Variants in TBCK observed in about 807,000 individuals in gnomAD.
The protein encoded by TBCK is TBC1 domain containing kinase.
In TBCK, 99 loss-of-function variants were observed where a neutral mutation model predicts 113.4. That is an observed-to-expected ratio of 0.87 (90% CI 0.74 to 1.03). The LOEUF (loss-of-function observed/expected upper bound fraction) is 1.03. Ranked by LOEUF, TBCK falls within the 50% of genes least tolerant of loss-of-function variation. The pLI, the probability that TBCK is intolerant of heterozygous loss-of-function variation, is 0.00. For missense variants in TBCK, 1,045 were observed against 1,061.3 expected, an observed-to-expected ratio of 0.98 and a Z score of 0.21; for synonymous variants, 369 against 370.8, an observed-to-expected ratio of 1.00 and a Z score of 0.05.
chr4:106,198,880 TATAA>T (rs1754560060), intron 20 of TBCK, among the ~76,000 whole-genome samples: 1 of 152,096 alleles, frequency 6.6e-6, no homozygotes, highest in Non-Finnish European at 1.5e-5. Flanking sequence ...CAAGTTCTGG[TATAA>T]GGTAATGGCA....
At chr4:106,279,298 T>A (rs551047895) in intron 3 of TBCK, among the ~76,000 whole-genome samples, 12 of 152,326 alleles carry the variant, frequency 7.9e-5, no homozygotes, top group Admixed American at 4.6e-4. Flanking sequence ...GATGATTTTT[T>A]AAAATTTTTT....
At chr4:106,067,874 G>A (rs924606924) in intron 25 of TBCK, among the ~76,000 whole-genome samples, 11 of 151,954 alleles carry the variant, frequency 7.2e-5, no homozygotes, top group South Asian at 6.2e-4. Flanking sequence ...TGCCTGTATC[G>A]TTTTGATTAC....
chr4:106,050,664 C>T (rs979481161), intron 25 of TBCK, among the ~76,000 whole-genome samples: 17 of 151,932 alleles, frequency 1.1e-4, no homozygotes, highest in African/African-American at 2.7e-4. Context: ...CATAAAAACT[C>T]GTGGGTTGCC....
At chr4:106,217,455 AT>A (rs2149921782) in intron 19 of TBCK, among the ~76,000 whole-genome samples, 1 of 152,320 alleles carries the variant, frequency 6.6e-6, no homozygotes. Flanking sequence ...ACATGATTGT[AT>A]ATCTAGAAAA....
At chr4:106,216,912 C>A (rs1351720101) in intron 19 of TBCK, among the ~76,000 whole-genome samples, 5 of 151,550 alleles carry the variant, frequency 3.3e-5, no homozygotes, top group African/African-American at 9.7e-5. Context: ...GAGACACAAC[C>A]AAAAAAGAGA....
chr4:106,212,704 C>CTTT, intron 20 of TBCK, 46 bp downstream of exon 20: 2 of 1,106,714 alleles, frequency 1.8e-6, no homozygotes, highest in Admixed American at 2.3e-5. Flanking sequence ...ATAATTTCTG[C>CTTT]TTTTTTTTTT....
intron 3 of TBCK, among the ~76,000 whole-genome samples, chr4:106,280,033 G>A (rs1356736286): frequency 2.0e-5 from 3 of 152,004 alleles, no homozygotes; most frequent in Admixed American, 6.6e-5. Context: ...GCAGTTATAC[G>A]AATTTACATT....
intron 3 of TBCK, among the ~76,000 whole-genome samples, chr4:106,278,937 C>T (rs1178909999): frequency 6.6e-6 from 1 of 151,862 alleles, no homozygotes; most frequent in Non-Finnish European, 1.5e-5. Flanking sequence ...CAAAAAAAAC[C>T]TCTGAGTCTC....
chr4:106,295,367 T>C (rs13130214), intron 2 of TBCK, among the ~76,000 whole-genome samples: 1 of 152,212 alleles, frequency 6.6e-6, no homozygotes, highest in African/African-American at 2.4e-5. Flanking sequence ...TTTTTTTCTC[T>C]TGTATTTTTC....
At chr4:106,314,978 C>G (rs1011447176) in intron 1 of TBCK, among the ~76,000 whole-genome samples, 5 of 152,056 alleles carry the variant, frequency 3.3e-5, no homozygotes, top group Admixed American at 6.5e-5. Context: ...ATAAAATAAC[C>G]AAATAAAACA....
At chr4:106,303,789 A>G (rs748033615) in intron 2 of TBCK, among the ~76,000 whole-genome samples, 2 of 152,080 alleles carry the variant, frequency 1.3e-5, no homozygotes, top group Non-Finnish European at 2.9e-5. Context: ...TTTTTGCCTG[A>G]TAAGAGACCA....
At chr4:106,178,944 T>G (rs1387769773) in intron 22 of TBCK, among the ~76,000 whole-genome samples, 1 of 151,970 alleles carries the variant, frequency 6.6e-6, no homozygotes, top group Non-Finnish European at 1.5e-5. Flanking sequence ...GTTTTCTATT[T>G]CTTCATGGTT....
intron 23 of TBCK, among the ~76,000 whole-genome samples, chr4:106,142,413 A>T (rs72968407): frequency 0.027 from 4,096 of 152,270 alleles, 178 homozygotes; most frequent in African/African-American, 0.094. Flanking sequence ...GCACCTGTAC[A>T]AAGCAGGTTG....
chr4:106,206,280 A>G (rs1755486454), intron 20 of TBCK, among the ~76,000 whole-genome samples: 1 of 152,228 alleles, frequency 6.6e-6, no homozygotes, highest in Non-Finnish European at 1.5e-5. Flanking sequence ...AAAACTTGCT[A>G]GATATTTAAC....
chr4:106,236,352 T>C (rs1579346063), intron 14 of TBCK, 38 bp downstream of exon 14: 1 of 1,341,718 alleles, frequency 7.5e-7, no homozygotes, highest in African/African-American at 1.5e-5. Context: ...AAATTCCATA[T>C]GGGCTATTGT....
At chr4:106,092,702 C>A (rs1049218613) in intron 25 of TBCK, among the ~76,000 whole-genome samples, 1 of 152,238 alleles carries the variant, frequency 6.6e-6, no homozygotes, top group African/African-American at 2.4e-5. Flanking sequence ...GGCCGTCAAG[C>A]CCACGCCCAC....
chr4:106,149,086 T>G (rs79230368), intron 23 of TBCK, among the ~76,000 whole-genome samples: 1 of 152,338 alleles, frequency 6.6e-6, no homozygotes, highest in African/African-American at 2.4e-5. Context: ...ACTTTTCTTC[T>G]GTACCTTCCT....
intron 5 of TBCK, among the ~76,000 whole-genome samples, chr4:106,253,928 T>TA (rs953602198): frequency 1.3e-5 from 2 of 152,212 alleles, no homozygotes; most frequent in African/African-American, 4.8e-5. Flanking sequence ...GGGACAAAGA[T>TA]AGAGAGGGAG....
At chr4:106,201,054 T>C (rs574102909) in intron 20 of TBCK, among the ~76,000 whole-genome samples, 1 of 151,960 alleles carries the variant, frequency 6.6e-6, no homozygotes, top group Non-Finnish European at 1.5e-5. Flanking sequence ...TTATAAAAAA[T>C]TATTTAAAAT....
Sources: gnomAD v4.1 joint callset for allele counts (sites outside exome capture counted in the v4.1 genomes callset) on GRCh38, gnomAD v4.1.1 for gene constraint, MANE v1.5 for transcripts, NCBI Gene and HGNC (gene_info 2026-07-23, HGNC 2026-07-21) for gene names.